The following TADA2B variants were observed in gnomAD, a reference collection of about 807,000 sequenced individuals.
TADA2B encodes the protein transcriptional adapter 2-beta.
In TADA2B, 13 loss-of-function variants were observed where a neutral mutation model predicts 34.5. The observed-to-expected ratio is 0.38, with a 90% confidence interval of 0.25 to 0.60. The LOEUF (loss-of-function observed/expected upper bound fraction) is 0.60. Ranked by LOEUF, TADA2B falls within the 20% of genes least tolerant of loss-of-function variation. The pLI, the probability that TADA2B is intolerant of heterozygous loss-of-function variation, is 0.65. For synonymous variants in TADA2B, 240 were observed against 243.4 expected (o/e 0.99, Z 0.13); for missense variants, 442 against 575.0 (o/e 0.77, Z 2.37).
Position 7,055,250 on chromosome 4 carries a change from ATGTG to A in TADA2B, c.*200_*203del. The A allele has an allele frequency of 1.6e-6, 1 of 607,336 alleles. No homozygotes were observed. Among genetic ancestry groups the A allele is most frequent in the South Asian group, 2.3e-5 (1 of 43,682 alleles). The allele number at this position is 607,336 out of a possible 1,614,324, so 37.6% of individuals were successfully genotyped here. ...TTATATTGGATCATGGGGGAAGCAA[ATGTG>A]TGTATTTTAAGTGAGTTCCTGCGAG... is the stretch of plus-strand genomic sequence containing the variant. On this transcript the variant is annotated 3_prime_UTR_variant, in exon 2 of 2. Transcript: ENST00000310074.
In TADA2B at chr4:7,055,098, C is replaced by A; in HGVS notation, c.*44C>A. On this transcript the variant is annotated 3_prime_UTR_variant, in exon 2 of 2. Coordinates refer to ENST00000310074, the MANE Select transcript of TADA2B (RefSeq NM_152293.3). ...GCCAGGGTGATGCTCAGACAGTGTG[C>A]CAGCCAAAATGACTTGGGGGAGGGG... is the stretch of plus-strand genomic sequence containing the variant. 2 of 1,534,436 alleles carry A rather than the reference C, an allele frequency of 1.3e-6. No individual in the cohort carries two copies. Among genetic ancestry groups the A allele is most frequent in the South Asian group, 2.5e-5 (2 of 78,890 alleles).
chr4:7,044,441 C>G (rs994297370), intron 1 of TADA2B, among the ~76,000 whole-genome samples: 1 of 152,206 alleles, frequency 6.6e-6, no homozygotes, highest in Non-Finnish European at 1.5e-5. Flanking sequence ...AACAAAGAGG[C>G]CTGGCCTGGG....
At chr4:7,045,135 C>T (rs1478872160) in intron 1 of TADA2B, 1 of 152,324 alleles carries the variant, frequency 6.6e-6, no homozygotes, top group African/African-American at 2.4e-5. Context: ...TCCCTGCATT[C>T]AGGGAGCTTA....
intron 1 of TADA2B, among the ~76,000 whole-genome samples, chr4:7,052,587 C>T (rs569362415): frequency 3.5e-4 from 53 of 152,328 alleles, no homozygotes; most frequent in Non-Finnish European, 6.0e-4. Flanking sequence ...GCACGTGTCT[C>T]CTCTTCTGGC....
At position 7,054,455 on chromosome 4, in the gene TADA2B, A is replaced by G; in HGVS notation, c.664A>G (p.Ile222Val). The change falls in exon 2 of 2, where the codon ATC (isoleucine) becomes GTC (valine). Residue 222 changes from isoleucine to valine, a missense_variant. Physicochemically the swap from Ile to Val is conservative, Grantham distance 29. This residue lies in a region of TADA2B where 222 missense variants were observed against 235.2 expected (regional missense o/e 0.94). Coordinates refer to ENST00000310074, the MANE Select transcript of TADA2B (RefSeq NM_152293.3). ...GAAAGAGAGACAGCGGCGGAAGAAC[A>G]TCGCCCGTGACTACAATCTGGTGCC... Reference protein sequence around the residue: ...KLKERQRRKNIARDYNLVPAF... With the variant: ...KLKERQRRKNVARDYNLVPAF... 6.2e-7 allele frequency: 1 copy of G among 1,613,686 alleles called. No individual in the cohort carries two copies. Among genetic ancestry groups the G allele is most frequent in the Non-Finnish European group, 8.5e-7 (1 of 1,179,890 alleles).
In TADA2B at chr4:7,055,515, C is replaced by G. The variant is rs979197750; in HGVS notation, c.*461C>G. 3 of 159,552 alleles carry G rather than the reference C, an allele frequency of 1.9e-5. No homozygotes were observed. The highest frequency in any genetic ancestry group is 7.2e-5 in the African/African-American group (3 of 41,504). The allele number at this position is 159,552 out of a possible 1,614,324, so 9.9% of individuals were successfully genotyped here. On this transcript the variant is annotated 3_prime_UTR_variant, in exon 2 of 2. Transcript: ENST00000310074. ...TGAGCCCACGCTGCCCACAGCTGAC[C>G]CCAGCGCAGCCCCGGGCACGCGGCA...
Position 7,056,710 on chromosome 4 carries a change from T to A in TADA2B, c.*1656T>A, listed in dbSNP as rs1723899358. 1 of 152,192 alleles carries A rather than the reference T, an allele frequency of 6.6e-6. No individual in the cohort carries two copies. The highest frequency in any genetic ancestry group is 2.1e-4 in the South Asian group (1 of 4,834). The allele number at this position is 152,192 out of a possible 1,614,324, so 9.4% of individuals were successfully genotyped here. On this transcript the variant is annotated 3_prime_UTR_variant, in exon 2 of 2. Coordinates refer to ENST00000310074, the MANE Select transcript of TADA2B (RefSeq NM_152293.3). Reference sequence around the variant, plus strand: ...CGCTCTTTTAGCTAAGCCCAGAACTTCTCTTTTGACAATAAAGTACTGAGC... The same window carrying A: ...CGCTCTTTTAGCTAAGCCCAGAACTACTCTTTTGACAATAAAGTACTGAGC...
At position 7,048,272 on chromosome 4, in the gene TADA2B, A is replaced by G. The variant is rs1025305238; in HGVS notation, c.270+4423A>G. Among the ~76,000 whole-genome samples the G allele has an allele frequency of 2.4e-4, 36 of 152,204 alleles. No homozygotes were observed. In the East Asian group the frequency reaches 6.6e-3, roughly 28 times the overall value. On this transcript the variant is annotated intron_variant, in intron 1 of 1. Transcript: ENST00000310074. ...GTGCGGGCTTCCAGGGATGACCATT[A>G]AGGATGGCGGGAGGGGGAGGGAGAG...
At chr4:7,044,472 G>A (rs1392187435) in intron 1 of TADA2B, among the ~76,000 whole-genome samples, 2 of 152,182 alleles carry the variant, frequency 1.3e-5, no homozygotes, top group Admixed American at 1.3e-4. Context: ...CTTGGGTTTT[G>A]CTCTCTTTAC....
chr4:7,053,771 G>A, intron 1 of TADA2B: 1 of 368,450 alleles, frequency 2.7e-6, no homozygotes, highest in Non-Finnish European at 4.9e-6. Context: ...CAGGGGTTCT[G>A]GCCTCAGCTC....
At chr4:7,047,525 G>T (rs949186816) in intron 1 of TADA2B, among the ~76,000 whole-genome samples, 5 of 152,234 alleles carry the variant, frequency 3.3e-5, no homozygotes, top group Admixed American at 3.3e-4. Flanking sequence ...GATGGTCACT[G>T]CCTTGTGCGT....
chr4:7,050,647 GGAGCC>G (rs200537809), intron 1 of TADA2B, among the ~76,000 whole-genome samples: 3,692 of 152,346 alleles, frequency 0.024, 69 homozygotes, highest in Non-Finnish European at 0.036. Context: ...GAGATGCTCC[GGAGCC>G]TGCAGGGCTG....
Position 7,043,865 on chromosome 4 carries a change from G to A in TADA2B, c.270+16G>A, listed in dbSNP as rs542598584. On this transcript the variant is annotated intron_variant, in intron 1 of 1. Transcript: ENST00000310074. ...CGGAAACTGGGTGAGCGGCGCGACGGGGGCCGGGTCCCGGCTAGGGCACTG... is the reference window on the plus strand; with the variant it reads ...CGGAAACTGGGTGAGCGGCGCGACGAGGGCCGGGTCCCGGCTAGGGCACTG... 3.9e-5 allele frequency: 57 copies of A among 1,457,858 alleles called. No homozygotes were observed. In the South Asian group the frequency reaches 7.5e-4, roughly 19 times the overall value. The allele number at this position is 1,457,858 out of a possible 1,614,324, so 90.3% of individuals were successfully genotyped here.
intron 1 of TADA2B, among the ~76,000 whole-genome samples, chr4:7,047,955 G>C (rs994641313): frequency 1.3e-5 from 2 of 152,186 alleles, no homozygotes; most frequent in East Asian, 1.9e-4. Flanking sequence ...CCTGAGACAG[G>C]TGCTCCCCAC....
At position 7,056,724 on chromosome 4, in the gene TADA2B, A is replaced by G. The variant is rs1255884420; in HGVS notation, c.*1670A>G. ...AGCCCAGAACTTCTCTTTTGACAAT[A>G]AAGTACTGAGCAGTGGTATCATGAG... On this transcript the variant is annotated 3_prime_UTR_variant, in exon 2 of 2. Coordinates refer to ENST00000310074, the MANE Select transcript of TADA2B (RefSeq NM_152293.3). 6.6e-6 allele frequency: 1 copy of G among 152,246 alleles called. No homozygotes were observed. The highest frequency in any genetic ancestry group is 2.4e-5 in the African/African-American group (1 of 41,460). The allele number at this position is 152,246 out of a possible 1,614,324, so 9.4% of individuals were successfully genotyped here. A position where few individuals can be genotyped will look rare whatever the true frequency, so the allele number is the denominator to read the frequency against.
rs769281916 is a variant in TADA2B at position 7,054,338 on chromosome 4, A to G, written c.547A>G (p.Thr183Ala). Residue 183 changes from threonine to alanine, a missense_variant, in exon 2 of 2, where the codon ACG becomes GCG. By Grantham distance (58) the Thr-to-Ala change is moderately conservative. This residue lies in a region of TADA2B where 222 missense variants were observed against 235.2 expected (regional missense o/e 0.94). Coordinates refer to ENST00000310074, the MANE Select transcript of TADA2B (RefSeq NM_152293.3). ...GATCGAGTATGACCAGGATGCCGAGACGCTCATCAGCGGGCTCTCTGTCAA... is the reference window on the plus strand; with the variant it reads ...GATCGAGTATGACCAGGATGCCGAGGCGCTCATCAGCGGGCTCTCTGTCAA... ...YEIEYDQDAETLISGLSVNYD... is the reference protein window; with the variant it reads ...YEIEYDQDAEALISGLSVNYD... The G allele has an allele frequency of 6.2e-7, 1 of 1,613,450 alleles. No individual in the cohort carries two copies. The highest frequency in any genetic ancestry group is 8.5e-7 in the Non-Finnish European group (1 of 1,179,904).
intron 1 of TADA2B, among the ~76,000 whole-genome samples, chr4:7,048,841 C>T (rs1415861858): frequency 1.3e-5 from 2 of 152,190 alleles, no homozygotes; most frequent in South Asian, 2.1e-4. Context: ...TTCTGACTGG[C>T]GTATTTCACT....
In TADA2B at chr4:7,043,467, G is replaced by A; in HGVS notation, c.-113G>A. On this transcript the variant is annotated 5_prime_UTR_variant, in exon 1 of 2. Coordinates refer to ENST00000310074, the MANE Select transcript of TADA2B (RefSeq NM_152293.3). ...GCGGTGGCGGCAGCCGCGGCGGCGG[G>A]CGGCGGTTGCTCGTGCGCGGCGGCG... The A allele has an allele frequency of 2.0e-6, 1 of 509,368 alleles. No individual in the cohort carries two copies. The highest frequency in any genetic ancestry group is 2.5e-6 in the Non-Finnish European group (1 of 398,134). The allele number at this position is 509,368 out of a possible 1,614,324, so 31.6% of individuals were successfully genotyped here. A position where few individuals can be genotyped will look rare whatever the true frequency, so the allele number is the denominator to read the frequency against.
At position 7,043,553 on chromosome 4, in the gene TADA2B, C is replaced by G; in HGVS notation, c.-27C>G. 8.3e-7 allele frequency: 1 copy of G among 1,210,728 alleles called. No individual in the cohort carries two copies. The highest frequency in any genetic ancestry group is 1.0e-6 in the Non-Finnish European group (1 of 971,340). 75.0% of individuals were successfully genotyped at this position (1,210,728 alleles called of 1,614,324 possible). ...CGGGGGCGCGGCGGCTGCGGCGGGC[C>G]GGGCGGCGGGCGGCGAGCGGGGGAA... On this transcript the variant is annotated 5_prime_UTR_variant, in exon 1 of 2. Coordinates refer to ENST00000310074, the MANE Select transcript of TADA2B (RefSeq NM_152293.3).
Sources: allele counts gnomAD v4.1 joint callset (sites outside exome capture counted in the v4.1 genomes callset), GRCh38; gene constraint gnomAD v4.1.1; regional missense constraint gnomAD v4.1.1; transcripts MANE v1.5; gene names NCBI Gene and HGNC (gene_info 2026-07-23, HGNC 2026-07-21).